Variants in CCDC91 observed in about 807,000 individuals in gnomAD.
CCDC91 encodes the protein coiled-coil domain containing 91.
Under a neutral mutation model 63.2 loss-of-function variants are expected in CCDC91, and 48 were observed. The observed-to-expected ratio is 0.76, with a 90% CI of 0.60 to 0.97. The LOEUF is 0.97. CCDC91 is among the 50% of genes least tolerant of loss of function. The pLI, the probability that CCDC91 is intolerant of heterozygous loss-of-function variation, is 0.00. For missense variants in CCDC91, 500 were observed against 494.6 expected (o/e 1.01, Z -0.10); for synonymous variants, 167 against 165.8 (o/e 1.01, Z -0.06).
At chr12:28,509,407 G>T (rs1330210472) in intron 12 of CCDC91, among the ~76,000 whole-genome samples, 1 of 150,930 alleles carries the variant, frequency 6.6e-6, no homozygotes, top group Non-Finnish European at 1.5e-5. Flanking sequence ...GGCAGGATAG[G>T]GGTGGTAGTA....
chr12:28,398,520 T>A (rs1325117704), intron 8 of CCDC91, among the ~76,000 whole-genome samples: 1 of 152,220 alleles, frequency 6.6e-6, no homozygotes, highest in African/African-American at 2.4e-5. Flanking sequence ...TATTTTTGTT[T>A]GTAAATATCT....
intron 3 of CCDC91, among the ~76,000 whole-genome samples, chr12:28,288,481 A>G (rs545854102): frequency 1.6e-5 from 2 of 122,166 alleles, no homozygotes; most frequent in South Asian, 3.4e-4. Context: ...CTTTAGTTCT[A>G]TATAGGTGAT....
intron 1 of CCDC91, among the ~76,000 whole-genome samples, chr12:28,215,894 G>A (rs763106816): frequency 1.3e-5 from 2 of 151,938 alleles, no homozygotes; most frequent in African/African-American, 2.4e-5. Flanking sequence ...CATTATGCCC[G>A]TTTTCCCTGT....
chr12:28,221,802 C>T (rs900356363), intron 1 of CCDC91, among the ~76,000 whole-genome samples: 5 of 152,162 alleles, frequency 3.3e-5, no homozygotes, highest in Non-Finnish European at 7.4e-5. Flanking sequence ...TTTTCTCCCA[C>T]GTTTATGTAG....
intron 1 of CCDC91, among the ~76,000 whole-genome samples, chr12:28,248,780 G>A (rs1945928431): frequency 6.6e-6 from 1 of 152,096 alleles, no homozygotes; most frequent in Admixed American, 6.5e-5. Flanking sequence ...TTTTGTTTTT[G>A]TTCTGTTTTC....
chr12:28,533,712 T>G (rs533787373), intron 12 of CCDC91, among the ~76,000 whole-genome samples: 1 of 152,096 alleles, frequency 6.6e-6, no homozygotes, highest in Admixed American at 6.6e-5. Flanking sequence ...TAATATATAT[T>G]TATTTATCAT....
intron 12 of CCDC91, among the ~76,000 whole-genome samples, chr12:28,502,109 T>A (rs1271050732): frequency 6.6e-6 from 1 of 151,942 alleles, no homozygotes; most frequent in Admixed American, 6.6e-5. Flanking sequence ...TCTTCTTTAT[T>A]AGTCTTGCTA....
chr12:28,240,868 C>T (rs1409285593), intron 1 of CCDC91, among the ~76,000 whole-genome samples: 1 of 152,080 alleles, frequency 6.6e-6, no homozygotes, highest in Non-Finnish European at 1.5e-5. Context: ...TTTTCATTTT[C>T]CTGGGATAAA....
chr12:28,535,804 A>G (rs879758142), intron 12 of CCDC91, among the ~76,000 whole-genome samples: 2 of 152,088 alleles, frequency 1.3e-5, no homozygotes, highest in Non-Finnish European at 2.9e-5. Flanking sequence ...CAAGGTGGGC[A>G]GATCATGAGG....
chr12:28,507,522 A>G (rs1488574001), intron 12 of CCDC91, among the ~76,000 whole-genome samples: 1 of 152,004 alleles, frequency 6.6e-6, no homozygotes, highest in Non-Finnish European at 1.5e-5. Flanking sequence ...TATTTGTCCA[A>G]GGGATTTATA....
intron 1 of CCDC91, among the ~76,000 whole-genome samples, chr12:28,247,001 A>T (rs186510968): frequency 6.6e-6 from 1 of 152,360 alleles, no homozygotes; most frequent in East Asian, 1.9e-4. Flanking sequence ...GTAATACCTT[A>T]GAAGTCCTCT....
intron 11 of CCDC91, among the ~76,000 whole-genome samples, chr12:28,483,336 C>T (rs1951545632): frequency 6.6e-6 from 1 of 152,044 alleles, no homozygotes; most frequent in Non-Finnish European, 1.5e-5. Flanking sequence ...AAAGATTTTG[C>T]TTCGTGGCAT....
intron 6 of CCDC91, among the ~76,000 whole-genome samples, chr12:28,338,215 G>A (rs1942137019): frequency 6.6e-6 from 1 of 151,262 alleles, no homozygotes; most frequent in Non-Finnish European, 1.5e-5. Flanking sequence ...GATTATATTT[G>A]AGTAGAGACT....
chr12:28,474,860 A>G (rs1951002513), intron 11 of CCDC91, among the ~76,000 whole-genome samples: 1 of 152,102 alleles, frequency 6.6e-6, no homozygotes, highest in Non-Finnish European at 1.5e-5. Flanking sequence ...ACTCAGAATT[A>G]AGAAACTCAC....
chr12:28,441,562 A>G (rs1442846782), intron 8 of CCDC91, among the ~76,000 whole-genome samples: 1 of 151,590 alleles, frequency 6.6e-6, no homozygotes, highest in Non-Finnish European at 1.5e-5. Flanking sequence ...GATGAGTATT[A>G]CAGATTTTTT....
At chr12:28,311,772 CT>C (rs1262973758) in intron 6 of CCDC91, among the ~76,000 whole-genome samples, 1 of 151,668 alleles carries the variant, frequency 6.6e-6, no homozygotes, top group African/African-American at 2.4e-5. Flanking sequence ...TAAAAGTTTT[CT>C]GTCTTGCTAG....
chr12:28,305,381 T>C (rs971652823), intron 3 of CCDC91, among the ~76,000 whole-genome samples: 9 of 152,086 alleles, frequency 5.9e-5, no homozygotes, highest in Non-Finnish European at 1.2e-4. Flanking sequence ...ACTGTGTTGG[T>C]ATGTAAACAC....
chr12:28,412,770 T>C, intron 8 of CCDC91: 2 of 453,832 alleles, frequency 4.4e-6, no homozygotes, highest in Non-Finnish European at 8.8e-6. Flanking sequence ...CTTTTTTCAA[T>C]CCTTCCTGCG....
At chr12:28,417,389 G>A (rs967805298) in intron 8 of CCDC91, among the ~76,000 whole-genome samples, 5 of 151,840 alleles carry the variant, frequency 3.3e-5, no homozygotes, top group African/African-American at 4.8e-5. Context: ...AGATTTCCTC[G>A]TGCTCTTTGT....
Sources: allele counts gnomAD v4.1 joint callset (sites outside exome capture counted in the v4.1 genomes callset), GRCh38; gene constraint gnomAD v4.1.1; transcripts MANE v1.5; gene names NCBI Gene and HGNC (gene_info 2026-07-23, HGNC 2026-07-21).